Variants in PCDHA6 observed in about 807,000 individuals in gnomAD.
PCDHA6 encodes the protein protocadherin alpha 6, also known as protocadherin alpha-6.
PCDHA6 carries 55 observed loss-of-function variants against 60.3 expected under a neutral mutation model. The ratio of observed to expected loss-of-function variants is 0.91; its 90% CI spans 0.73 to 1.14. The LOEUF is 1.14. Ranked by LOEUF, PCDHA6 falls within the 50% of genes most tolerant of loss-of-function variation. The pLI, the probability that PCDHA6 is intolerant of heterozygous loss-of-function variation, is 0.00. For missense variants in PCDHA6, 1,327 were observed against 1,256.5 expected (o/e 1.06, Z -0.85); for synonymous variants, 652 against 557.9 (o/e 1.17, Z -2.38).
Position 140,828,085 on chromosome 5 carries a change from A to G in PCDHA6, c.-7A>G. The G allele has an allele frequency of 6.3e-7, 1 of 1,590,816 alleles. No individual in the cohort carries two copies. Among genetic ancestry groups the G allele is most frequent in the East Asian group, 2.2e-5 (1 of 44,660 alleles). On this transcript the variant is annotated 5_prime_UTR_variant, in exon 1 of 4. Transcript: ENST00000529310. ...TTCTAATGGAAATAAAACCAGAGGT[A>G]TTTGACATGGTGTTTACCCCGGAGG...
intron 3 of PCDHA6, among the ~76,000 whole-genome samples, chr5:140,990,327 A>G (rs2097387817): frequency 1.3e-5 from 2 of 152,174 alleles, no homozygotes; most frequent in African/African-American, 4.8e-5. Flanking sequence ...AACAAACTTT[A>G]AAAATAAGTA....
At chr5:140,877,536 T>A (rs1402880820) in intron 1 of PCDHA6, 1 of 1,613,730 alleles carries the variant, frequency 6.2e-7, no homozygotes, top group Non-Finnish European at 8.5e-7. Flanking sequence ...GCGCTGTGGA[T>A]CCCGAAGCGG....
intron 2 of PCDHA6, among the ~76,000 whole-genome samples, chr5:140,979,796 T>A (rs1322390860): frequency 3.3e-5 from 5 of 152,236 alleles, no homozygotes; most frequent in Non-Finnish European, 7.3e-5. Flanking sequence ...AAACAAATGA[T>A]CACAACTATC....
At chr5:140,936,185 G>A (rs563044758) in intron 1 of PCDHA6, among the ~76,000 whole-genome samples, 10 of 152,060 alleles carry the variant, frequency 6.6e-5, no homozygotes, top group Non-Finnish European at 1.0e-4. Context: ...AAACCACCAC[G>A]CCCAGCCAAA....
At chr5:140,960,131 C>T (rs781965980) in intron 1 of PCDHA6, among the ~76,000 whole-genome samples, 11 of 152,114 alleles carry the variant, frequency 7.2e-5, no homozygotes, top group African/African-American at 9.7e-5. Context: ...TTATGAAATA[C>T]TTAGATATTA....
At chr5:140,993,509 C>T (rs930990761) in intron 3 of PCDHA6, among the ~76,000 whole-genome samples, 23 of 143,490 alleles carry the variant, frequency 1.6e-4, no homozygotes, top group Admixed American at 3.5e-4. Context: ...CACACACACA[C>T]GGGGAGAGAG....
intron 1 of PCDHA6, among the ~76,000 whole-genome samples, chr5:140,903,060 T>C (rs1412957275): frequency 6.6e-6 from 1 of 152,316 alleles, no homozygotes; most frequent in East Asian, 1.9e-4. Flanking sequence ...TGACTTCTTT[T>C]CCTTTGGGTA....
chr5:140,836,386 C>G, intron 1 of PCDHA6: 1 of 1,613,722 alleles, frequency 6.2e-7, no homozygotes, highest in Non-Finnish European at 8.5e-7. Context: ...GTGCTGGTGT[C>G]GCTGGTGGAA....
chr5:140,938,295 A>G (rs1458865676), intron 1 of PCDHA6, among the ~76,000 whole-genome samples: 1 of 152,190 alleles, frequency 6.6e-6, no homozygotes, highest in Non-Finnish European at 1.5e-5. Context: ...GTCATTGCCT[A>G]TGAAATTCAG....
intron 1 of PCDHA6, among the ~76,000 whole-genome samples, chr5:140,901,055 A>G (rs1454535703): frequency 6.6e-6 from 1 of 152,088 alleles, no homozygotes; most frequent in African/African-American, 2.4e-5. Context: ...AAATTAGATT[A>G]TTAGATTTTT....
chr5:140,842,755 T>G, intron 1 of PCDHA6: 2 of 1,594,888 alleles, frequency 1.3e-6, no homozygotes, highest in South Asian at 2.2e-5. Flanking sequence ...TCACGGTGTC[T>G]GCGCGAGACG....
chr5:140,836,581 G>A (rs1774589898), intron 1 of PCDHA6: 2 of 1,613,662 alleles, frequency 1.2e-6, no homozygotes, highest in African/African-American at 2.7e-5. Flanking sequence ...GGCGCATGTA[G>A]TTTGGTAAAG....
At chr5:140,883,551 G>C (rs375469569) in intron 1 of PCDHA6, 16 of 1,614,234 alleles carry the variant, frequency 9.9e-6, no homozygotes, top group Middle Eastern at 1.7e-4. Flanking sequence ...GTGACCGCGC[G>C]GGACGGGGGC....
intron 3 of PCDHA6, among the ~76,000 whole-genome samples, chr5:140,996,553 A>C (rs868960335): frequency 1.3e-5 from 2 of 152,172 alleles, no homozygotes; most frequent in African/African-American, 2.4e-5. Flanking sequence ...TGCTGTCACT[A>C]TCTTGAAGTT....
intron 1 of PCDHA6, chr5:140,883,741 C>T (rs2153397240): frequency 6.2e-7 from 1 of 1,613,386 alleles, no homozygotes; most frequent in Non-Finnish European, 8.5e-7. Context: ...CGCTGGTCTC[C>T]TACTCGCTGG....
intron 3 of PCDHA6, among the ~76,000 whole-genome samples, chr5:140,992,799 A>T (rs577698123): frequency 6.6e-6 from 1 of 152,274 alleles, no homozygotes; most frequent in African/African-American, 2.4e-5. Flanking sequence ...TTATGGATCC[A>T]TATGTATCTA....
intron 1 of PCDHA6, chr5:140,858,518 A>G: frequency 7.0e-7 from 1 of 1,420,434 alleles, no homozygotes; most frequent in African/African-American, 1.4e-5. Context: ...TATGTATCAG[A>G]ATATTTCATT....
At chr5:140,911,560 A>T (rs1554194794) in intron 1 of PCDHA6, among the ~76,000 whole-genome samples, 2 of 152,170 alleles carry the variant, frequency 1.3e-5, no homozygotes, top group Non-Finnish European at 2.9e-5. Flanking sequence ...ATTTTCTTTC[A>T]TCACTTTGTC....
chr5:140,836,592 C>T (rs1554136107), intron 1 of PCDHA6: 4 of 1,613,726 alleles, frequency 2.5e-6, no homozygotes, highest in Non-Finnish European at 3.4e-6. Flanking sequence ...TTTGGTAAAG[C>T]CCACTCTGGT....
Sources: gnomAD v4.1 joint callset for allele counts (sites outside exome capture counted in the v4.1 genomes callset) on GRCh38, gnomAD v4.1.1 for gene constraint, MANE v1.5 for transcripts, NCBI Gene and HGNC (gene_info 2026-07-23, HGNC 2026-07-21) for gene names.